The following TMEM38B variants were observed in gnomAD, a reference collection of about 807,000 sequenced individuals.
TMEM38B encodes trimeric intracellular cation channel type B.
TMEM38B carries 24 observed loss-of-function variants against 28.7 expected under a neutral mutation model. The ratio of observed to expected loss-of-function variants is 0.84; its 90% CI spans 0.61 to 1.18. The LOEUF is 1.18. Among genes scored for constraint, TMEM38B ranks in the 50% most tolerant of loss-of-function variants. The pLI, the probability that TMEM38B is intolerant of heterozygous loss-of-function variation, is 0.00. For synonymous variants in TMEM38B, 131 were observed against 127.7 expected (o/e 1.03, Z -0.17); for missense variants, 380 against 350.9 (o/e 1.08, Z -0.66).
intron 4 of TMEM38B, among the ~76,000 whole-genome samples, chr9:105,731,729 C>T (rs1836757328): frequency 6.6e-6 from 1 of 152,086 alleles, no homozygotes; most frequent in African/African-American, 2.4e-5. Context: ...GGGTTGGTTC[C>T]AAGTCTTTGC....
In TMEM38B at chr9:105,773,929, G is replaced by C. The variant is rs780329268; in HGVS notation, c.725G>C (p.Trp242Ser). ...GCTCCTTTTGAGGATACATTGAGTTGGATGCTATTTGGCTGGCAGCAGCCG... is the reference window on the plus strand; with the variant it reads ...GCTCCTTTTGAGGATACATTGAGTTCGATGCTATTTGGCTGGCAGCAGCCG... ...TFAPFEDTLS[W>S]MLFGWQQPFS... Residue 242 changes from tryptophan (W) to serine (S), a missense_variant, in exon 6 of 6, where the codon TGG (tryptophan) becomes TCG (serine). Trp to Ser is a radical substitution (Grantham distance 177, BLOSUM62 -3). Coordinates refer to ENST00000374692, the MANE Select transcript of TMEM38B (RefSeq NM_018112.3). The C allele has an allele frequency of 1.2e-5, 19 of 1,613,626 alleles. No homozygotes were observed. Among genetic ancestry groups the C allele is most frequent in the Non-Finnish European group, 1.5e-5 (18 of 1,179,768 alleles).
intron 5 of TMEM38B, among the ~76,000 whole-genome samples, chr9:105,752,292 C>T (rs1837682657): frequency 6.6e-6 from 1 of 152,154 alleles, no homozygotes; most frequent in Non-Finnish European, 1.5e-5. Flanking sequence ...GGAAGGTCTC[C>T]CCCAGTGCAG....
At chr9:105,756,702 A>G (rs1227275689) in intron 5 of TMEM38B, among the ~76,000 whole-genome samples, 1 of 152,142 alleles carries the variant, frequency 6.6e-6, no homozygotes, top group Non-Finnish European at 1.5e-5. Flanking sequence ...CCATACTGCA[A>G]TGTAATAATA....
chr9:105,731,103 C>G (rs529741794), intron 4 of TMEM38B, among the ~76,000 whole-genome samples: 4 of 152,114 alleles, frequency 2.6e-5, no homozygotes, highest in African/African-American at 7.2e-5. Context: ...TTGCCTTCTG[C>G]TAGCTTTTGA....
At chr9:105,750,275 C>T (rs770778406) in intron 5 of TMEM38B, among the ~76,000 whole-genome samples, 13 of 151,956 alleles carry the variant, frequency 8.6e-5, no homozygotes, top group Non-Finnish European at 1.6e-4. Flanking sequence ...TATTTTCTTC[C>T]ATTCTGTAAG....
At chr9:105,747,835 C>G (rs1837481092) in intron 4 of TMEM38B, among the ~76,000 whole-genome samples, 1 of 152,064 alleles carries the variant, frequency 6.6e-6, no homozygotes, top group Non-Finnish European at 1.5e-5. Flanking sequence ...TTGTTATGCA[C>G]CCAGTAGTCA....
At chr9:105,728,852 T>C (rs181040036) in intron 4 of TMEM38B, among the ~76,000 whole-genome samples, 68 of 152,370 alleles carry the variant, frequency 4.5e-4, no homozygotes, top group Non-Finnish European at 3.1e-4. Flanking sequence ...TTTTTTCATA[T>C]GTCTGTTGGC....
chr9:105,712,176 A>C (rs1453816585), intron 2 of TMEM38B, among the ~76,000 whole-genome samples: 1 of 152,196 alleles, frequency 6.6e-6, no homozygotes, highest in Non-Finnish European at 1.5e-5. Flanking sequence ...TGGCCTCCCA[A>C]GGTGCTGGGA....
chr9:105,757,527 C>T (rs1799840986), intron 5 of TMEM38B, among the ~76,000 whole-genome samples: 1 of 152,064 alleles, frequency 6.6e-6, no homozygotes, highest in African/African-American at 2.4e-5. Context: ...TTCCCACCAG[C>T]AGTGTAAAAG....
intron 5 of TMEM38B, among the ~76,000 whole-genome samples, chr9:105,763,684 C>G (rs1418908796): frequency 2.0e-5 from 3 of 152,200 alleles, no homozygotes; most frequent in South Asian, 2.1e-4. Flanking sequence ...CCTTCTGAAA[C>G]TATTCCAATC....
intron 2 of TMEM38B, among the ~76,000 whole-genome samples, chr9:105,718,948 T>G (rs1167617733): frequency 2.0e-5 from 3 of 152,192 alleles, no homozygotes; most frequent in African/African-American, 7.2e-5. Context: ...TTCAATTTGT[T>G]GGAGTGATAA....
At chr9:105,729,878 G>A (rs1026300560) in intron 4 of TMEM38B, among the ~76,000 whole-genome samples, 4 of 148,508 alleles carry the variant, frequency 2.7e-5, no homozygotes, top group Admixed American at 6.7e-5. Flanking sequence ...TTTGGCTCTC[G>A]GTCTGTTCTT....
At chr9:105,724,891 A>G (rs142659809) in intron 4 of TMEM38B, among the ~76,000 whole-genome samples, 160 of 152,250 alleles carry the variant, frequency 1.1e-3, no homozygotes, top group African/African-American at 3.7e-3. Context: ...CCAAAATCAA[A>G]TTATGTTTCT....
At chr9:105,748,681 T>G (rs942782356) in intron 5 of TMEM38B, among the ~76,000 whole-genome samples, 10 of 152,218 alleles carry the variant, frequency 6.6e-5, no homozygotes, top group Non-Finnish European at 1.5e-4. Flanking sequence ...CCAGTTTTGC[T>G]GCCTAGTCCC....
Position 105,748,058 on chromosome 9 carries a change from G to T in TMEM38B, c.543-15G>T. The T allele has an allele frequency of 2.6e-6, 4 of 1,541,998 alleles. No homozygotes were observed. In the African/African-American group the frequency reaches 5.4e-5, roughly 21 times the overall value. On this transcript the variant is annotated splice_polypyrimidine_tract_variant and intron_variant, in intron 4 of 5. Coordinates refer to ENST00000374692, the MANE Select transcript of TMEM38B (RefSeq NM_018112.3). The stretch of plus-strand genomic sequence containing the variant: ...TATTTATTACTTGCTGATTTAAAAT[G>T]TGTTTTATTTTCAGCCCTGCCAAGG...
At chr9:105,758,826 A>G in intron 5 of TMEM38B, 2 of 915,644 alleles carry the variant, frequency 2.2e-6, no homozygotes, top group South Asian at 1.3e-5. Flanking sequence ...GCATGAAATA[A>G]TCAATGAAGA....
chr9:105,710,511 G>A (rs577520212), intron 2 of TMEM38B: 11 of 1,249,692 alleles, frequency 8.8e-6, no homozygotes, highest in South Asian at 4.8e-5. Flanking sequence ...GGTGTCTTCC[G>A]ATCCCCCTGG....
chr9:105,708,625 C>T (rs1835768701), intron 2 of TMEM38B, among the ~76,000 whole-genome samples: 1 of 152,184 alleles, frequency 6.6e-6, no homozygotes, highest in Non-Finnish European at 1.5e-5. Flanking sequence ...GCTCTAGTCA[C>T]ATGAGCTTTG....
At chr9:105,700,258 T>C (rs1238383887) in intron 1 of TMEM38B, among the ~76,000 whole-genome samples, 2 of 152,210 alleles carry the variant, frequency 1.3e-5, no homozygotes, top group Non-Finnish European at 2.9e-5. Flanking sequence ...AAGAGACTTA[T>C]TGGTGCTTTT....
Sources: allele counts gnomAD v4.1 joint callset (sites outside exome capture counted in the v4.1 genomes callset), GRCh38; gene constraint gnomAD v4.1.1; transcripts MANE v1.5; gene names NCBI Gene and HGNC (gene_info 2026-07-23, HGNC 2026-07-21).